Variants in IL1R2 observed in about 807,000 individuals in gnomAD.
IL1R2 encodes interleukin 1 receptor type 2.
A neutral mutation model predicts 39.5 loss-of-function variants in IL1R2; 46 were observed. The observed-to-expected ratio is 1.16, with a 90% CI of 0.92 to 1.49. IL1R2 has a LOEUF of 1.49. Ranked by LOEUF, IL1R2 falls within the 40% of genes most tolerant of loss-of-function variation. The probability of loss-of-function intolerance (pLI) is 0.00; values close to 1 mark genes in which losing one functional copy is unlikely to be tolerated. For missense variants in IL1R2, 537 were observed against 502.0 expected (o/e 1.07, Z -0.67); for synonymous variants, 207 against 189.6 (o/e 1.09, Z -0.75).
intron 1 of IL1R2, among the ~76,000 whole-genome samples, chr2:101,995,269 G>T (rs1162293380): frequency 6.6e-6 from 1 of 152,180 alleles, no homozygotes; most frequent in Admixed American, 6.5e-5. Context: ...GTGTCAAGTG[G>T]TCAGAGACTT....
At chr2:102,014,947 AAATAATAAT>A (rs60026295) in intron 3 of IL1R2, among the ~76,000 whole-genome samples, 169 of 141,498 alleles carry the variant, frequency 1.2e-3, no homozygotes, top group Non-Finnish European at 1.3e-3. Flanking sequence ...TAGGCTAGTA[AAATAATAAT>A]AATAATAATA....
chr2:101,992,234 AAGAGGCAGAGAGACAGGC>A (rs1373138406), intron 1 of IL1R2, among the ~76,000 whole-genome samples: 2 of 149,372 alleles, frequency 1.3e-5, no homozygotes, highest in East Asian at 2.0e-4. Context: ...CAGAGACAGA[AAGAGGCAGAGAGACAGGC>A]AGAGGCAGAG....
chr2:102,028,187 G>A, intron 8 of IL1R2, 39 bp from the exon 9 acceptor site: 1 of 1,551,042 alleles, frequency 6.4e-7, no homozygotes, highest in Non-Finnish European at 8.8e-7. Context: ...TACAGTGAGA[G>A]ACTGTTCAGC....
At chr2:101,998,655 T>C (rs1468359273) in intron 1 of IL1R2, among the ~76,000 whole-genome samples, 1 of 152,222 alleles carries the variant, frequency 6.6e-6, no homozygotes, top group African/African-American at 2.4e-5. Flanking sequence ...TGGCTTCACT[T>C]ACATGGCTGG....
At chr2:102,006,516 A>T (rs1223482762) in intron 1 of IL1R2, among the ~76,000 whole-genome samples, 1 of 152,140 alleles carries the variant, frequency 6.6e-6, no homozygotes, top group Non-Finnish European at 1.5e-5. Flanking sequence ...TCGGTTCCTC[A>T]ATGCCGCAAT....
chr2:102,019,939 C>T (rs1023691616), intron 5 of IL1R2, 127 bp downstream of exon 5: 9 of 735,322 alleles, frequency 1.2e-5, no homozygotes, highest in Non-Finnish European at 2.0e-5. Flanking sequence ...ACAGATCCAT[C>T]AGCTCTCCTG....
chr2:102,027,786 G>T (rs942040490), intron 8 of IL1R2, among the ~76,000 whole-genome samples: 1 of 152,140 alleles, frequency 6.6e-6, no homozygotes, highest in Non-Finnish European at 1.5e-5. Flanking sequence ...CCAAGCAATC[G>T]TGTTGGCCCC....
chr2:101,999,263 G>C (rs1363167499), intron 1 of IL1R2: 1 of 152,266 alleles, frequency 6.6e-6, no homozygotes, highest in Non-Finnish European at 1.5e-5. Flanking sequence ...AATATTTTAG[G>C]TGTTTCCCAC....
chr2:102,013,114 G>A (rs1456734287), intron 3 of IL1R2, among the ~76,000 whole-genome samples: 2 of 152,198 alleles, frequency 1.3e-5, no homozygotes, highest in African/African-American at 4.8e-5. Flanking sequence ...AAATCAGGGA[G>A]ATGTGAGCTG....
In IL1R2 at chr2:102,028,217, T is replaced by G. The variant is rs556306187; in HGVS notation, c.1031-9T>G. On this transcript the variant is annotated splice_polypyrimidine_tract_variant and intron_variant, in intron 8 of 8. Transcript: ENST00000332549. ...TTCAGCTCCTGATGTGACTCTGTTC[T>G]TCCCACAGCCTCCTCCACGTTCTCC... 45 of 1,601,712 alleles carry G rather than the reference T, an allele frequency of 2.8e-5. No homozygotes were observed. The South Asian group carries it at 4.9e-4, about 17-fold the overall frequency.
Position 102,009,661 on chromosome 2 carries a change from G to C in IL1R2, c.167G>C (p.Trp56Ser). ...VALRCPQVPY[W>S]LWASVSPRIN... Reference sequence around the variant, plus strand: ...CTGAGGTGCCCCCAGGTGCCCTACTGGTTGTGGGCCTCTGTCAGCCCCCGC... The same window carrying C: ...CTGAGGTGCCCCCAGGTGCCCTACTCGTTGTGGGCCTCTGTCAGCCCCCGC... The change falls in exon 3 of 9, where the codon TGG becomes TCG. Residue 56 changes from tryptophan (W) to serine (S), a missense_variant. Physicochemically the swap from Trp to Ser is radical, Grantham distance 177. Transcript: ENST00000332549. 1.2e-6 allele frequency: 2 copies of C among 1,614,202 alleles called. No individual in the cohort carries two copies. Among genetic ancestry groups the C allele is most frequent in the South Asian group, 2.2e-5 (2 of 91,090 alleles).
chr2:102,009,015 G>A (rs1167308845), intron 2 of IL1R2, among the ~76,000 whole-genome samples: 1 of 151,286 alleles, frequency 6.6e-6, no homozygotes, highest in Non-Finnish European at 1.5e-5. Flanking sequence ...GCAACAGAGT[G>A]AGACCCTGTC....
chr2:102,014,642 T>G (rs1415894882), intron 3 of IL1R2, among the ~76,000 whole-genome samples: 4 of 152,210 alleles, frequency 2.6e-5, no homozygotes, highest in African/African-American at 9.6e-5. Flanking sequence ...TCTTTCACCT[T>G]TTTTTTACAT....
rs143600264 is a variant in IL1R2, at chr2:102,000,363, G to A, written c.-61-8152G>A. Among the ~76,000 whole-genome samples the A allele has an allele frequency of 4.1e-3, 624 of 152,294 alleles. 5 individuals are homozygous for A. The highest frequency in any genetic ancestry group is 0.014 in the African/African-American group (602 of 41,554). ...CCACCACCCTGCTGCTGGCAGGAAG[G>A]AAGGCAGGATTCCCACTTCTCTGTC... On this transcript the variant is annotated intron_variant, in intron 1 of 8. Coordinates refer to ENST00000332549, the MANE Select transcript of IL1R2 (RefSeq NM_004633.4).
chr2:102,005,971 A>G (rs1482029798), intron 1 of IL1R2, among the ~76,000 whole-genome samples: 3 of 152,232 alleles, frequency 2.0e-5, no homozygotes, highest in Admixed American at 2.0e-4. Flanking sequence ...AAACTCTTAT[A>G]ATACATCCTC....
At chr2:102,022,337 G>C in intron 6 of IL1R2, 88 bp downstream of exon 6, 1 of 1,065,174 alleles carries the variant, frequency 9.4e-7, no homozygotes, top group Non-Finnish European at 1.5e-6. Context: ...TGCGTCTGCT[G>C]ATCATACCTG....
intron 3 of IL1R2, among the ~76,000 whole-genome samples, chr2:102,011,696 T>C (rs1394677324): frequency 6.6e-6 from 1 of 152,260 alleles, no homozygotes; most frequent in African/African-American, 2.4e-5. Context: ...TCTCCTGTTC[T>C]CTAAGTTGCA....
intron 1 of IL1R2, among the ~76,000 whole-genome samples, chr2:101,992,468 G>C (rs1394347919): frequency 1.3e-5 from 2 of 150,252 alleles, no homozygotes; most frequent in African/African-American, 5.0e-5. Flanking sequence ...GAGACAGACA[G>C]AGAGACAGAG....
intron 1 of IL1R2, among the ~76,000 whole-genome samples, chr2:101,992,430 C>G (rs1207782330): frequency 7.6e-6 from 1 of 131,054 alleles, no homozygotes; most frequent in Non-Finnish European, 1.6e-5. Context: ...CAGAGAGACA[C>G]AGAGACACAG....
Sources: allele counts gnomAD v4.1 joint callset (sites outside exome capture counted in the v4.1 genomes callset), GRCh38; gene constraint gnomAD v4.1.1; transcripts MANE v1.5; gene names NCBI Gene and HGNC (gene_info 2026-07-23, HGNC 2026-07-21).